The following FOXO3 variants were observed in gnomAD, a reference collection of about 807,000 sequenced individuals.
FOXO3 encodes forkhead box protein O3.
FOXO3 carries 4 observed loss-of-function variants against 41.9 expected under a neutral mutation model. That is an observed-to-expected ratio of 0.10 (90% CI 0.05 to 0.22). The LOEUF (loss-of-function observed/expected upper bound fraction) is 0.22, where lower values mean the gene tolerates loss of function less well. Among genes scored for constraint, FOXO3 ranks in the 10% least tolerant of loss-of-function variants. The pLI, the probability that FOXO3 is intolerant of heterozygous loss-of-function variation, is 1.00. For missense variants in FOXO3, 534 were observed against 906.8 expected, an observed-to-expected ratio of 0.59 and a Z score of 5.28; for synonymous variants, 318 against 389.3, an observed-to-expected ratio of 0.82 and a Z score of 2.16.
chr6:108,593,842 G>A (rs1318471345), intron 1 of FOXO3, among the ~76,000 whole-genome samples: 1 of 146,686 alleles, frequency 6.8e-6, no homozygotes. Flanking sequence ...TCAGCCTCCC[G>A]AGTAGCTGGG....
At chr6:108,676,995 C>G (rs1169364784) in intron 2 of FOXO3, among the ~76,000 whole-genome samples, 1 of 152,202 alleles carries the variant, frequency 6.6e-6, no homozygotes, top group African/African-American at 2.4e-5. Context: ...CAGAGGAAAC[C>G]AAAGGCCTTT....
At chr6:108,651,562 G>A (rs543235999) in intron 1 of FOXO3, among the ~76,000 whole-genome samples, 12 of 152,330 alleles carry the variant, frequency 7.9e-5, no homozygotes, top group Admixed American at 2.0e-4. Flanking sequence ...AGAGCTAGAA[G>A]CAGTTGTGTT....
intron 1 of FOXO3, among the ~76,000 whole-genome samples, chr6:108,638,076 T>G (rs905152549): frequency 2.6e-5 from 4 of 152,250 alleles, no homozygotes; most frequent in African/African-American, 9.6e-5. Flanking sequence ...CTTTTTACCC[T>G]GTTTTTCTCA....
intron 1 of FOXO3, among the ~76,000 whole-genome samples, chr6:108,652,561 C>G (rs1778575634): frequency 6.6e-6 from 1 of 152,228 alleles, no homozygotes; most frequent in Non-Finnish European, 1.5e-5. Flanking sequence ...GTGAGAGCTT[C>G]ACTTTTGAAG....
chr6:108,568,625 T>G (rs1375050534), intron 1 of FOXO3, among the ~76,000 whole-genome samples: 1 of 152,210 alleles, frequency 6.6e-6, no homozygotes, highest in Admixed American at 6.5e-5. Context: ...GATTTTATAA[T>G]CAACCCATAT....
intron 2 of FOXO3, 46 bp from the exon 3 acceptor site, chr6:108,679,781 T>C (rs1196105261): frequency 6.5e-6 from 1 of 154,536 alleles, no homozygotes; most frequent in Non-Finnish European, 1.5e-5. Flanking sequence ...ACTATTGCTG[T>C]TGCAGTGCCC....
chr6:108,562,049 A>G (rs1033318529), intron 1 of FOXO3, among the ~76,000 whole-genome samples: 3 of 150,908 alleles, frequency 2.0e-5, no homozygotes, highest in Non-Finnish European at 4.4e-5. Context: ...AGCTTGGGGC[A>G]TGGCCAGGTG....
At chr6:108,659,406 G>A (rs1778782023) in intron 1 of FOXO3, among the ~76,000 whole-genome samples, 1 of 152,142 alleles carries the variant, frequency 6.6e-6, no homozygotes, top group Admixed American at 6.5e-5. Flanking sequence ...TATATGAAAG[G>A]TTGTAGAAAA....
At chr6:108,619,792 A>G (rs1380376677) in intron 1 of FOXO3, among the ~76,000 whole-genome samples, 1 of 152,206 alleles carries the variant, frequency 6.6e-6, no homozygotes, top group East Asian at 1.9e-4. Flanking sequence ...ACATAAGCAT[A>G]TGTTGTATTG....
intron 1 of FOXO3, among the ~76,000 whole-genome samples, chr6:108,605,445 G>A (rs766678823): frequency 4.6e-5 from 7 of 151,918 alleles, no homozygotes; most frequent in African/African-American, 7.3e-5. Context: ...TTATTTTTGC[G>A]ATTTTGAAAA....
At chr6:108,570,001 T>TTTTA (rs1776053621) in intron 1 of FOXO3, among the ~76,000 whole-genome samples, 1 of 131,264 alleles carries the variant, frequency 7.6e-6, no homozygotes, top group Non-Finnish European at 1.6e-5. Flanking sequence ...TTTTTTTTTT[T>TTTTA]TTTTTTTTTT....
intron 1 of FOXO3, among the ~76,000 whole-genome samples, chr6:108,630,393 C>T (rs1443068976): frequency 3.9e-5 from 6 of 152,072 alleles, no homozygotes; most frequent in Admixed American, 1.3e-4. Context: ...AGAGAGACTG[C>T]GTTAGACTGG....
chr6:108,588,144 T>A (rs779408190), intron 1 of FOXO3, among the ~76,000 whole-genome samples: 3 of 152,252 alleles, frequency 2.0e-5, no homozygotes, highest in Non-Finnish European at 4.4e-5. Context: ...ATGATCTCAT[T>A]TACGAATGTG....
chr6:108,663,049 T>C (rs184904804), intron 1 of FOXO3, among the ~76,000 whole-genome samples: 24 of 152,328 alleles, frequency 1.6e-4, no homozygotes, highest in African/African-American at 5.5e-4. Context: ...GATGGATTTT[T>C]TTTAACCTTT....
intron 1 of FOXO3, among the ~76,000 whole-genome samples, chr6:108,649,748 C>T (rs1389459329): frequency 6.6e-6 from 1 of 152,044 alleles, no homozygotes. Flanking sequence ...CTTCAGAAAA[C>T]TCCTTAGTTT....
At chr6:108,610,676 C>T (rs935655219) in intron 1 of FOXO3, among the ~76,000 whole-genome samples, 2 of 152,198 alleles carry the variant, frequency 1.3e-5, no homozygotes, top group Non-Finnish European at 2.9e-5. Flanking sequence ...CCCCATTTTC[C>T]TATCGCCCAC....
intron 1 of FOXO3, among the ~76,000 whole-genome samples, chr6:108,657,959 C>T (rs1476091253): frequency 2.0e-5 from 3 of 152,206 alleles, no homozygotes; most frequent in Non-Finnish European, 2.9e-5. Flanking sequence ...CCAAACACAG[C>T]ATTCCCAGGA....
chr6:108,603,992 A>G (rs762350115), intron 1 of FOXO3, among the ~76,000 whole-genome samples: 1 of 152,146 alleles, frequency 6.6e-6, no homozygotes, highest in Non-Finnish European at 1.5e-5. Context: ...ATTGCCTAGG[A>G]ATGGTGACTT....
At position 108,680,921 on chromosome 6, in the gene FOXO3, C is replaced by A. The variant is rs546413951; in HGVS notation, c.*1129C>A. On this transcript the variant is annotated 3_prime_UTR_variant, in exon 3 of 3. Transcript: ENST00000406360. ...ATACACATCCTTGATTATTTTCAGCCTTGCTATATAATCTGATCTGCTAGA... is the reference window on the plus strand; with the variant it reads ...ATACACATCCTTGATTATTTTCAGCATTGCTATATAATCTGATCTGCTAGA... 1 of 152,704 alleles carries A rather than the reference C, an allele frequency of 6.5e-6. No individual in the cohort carries two copies. The highest frequency in any genetic ancestry group is 2.4e-5 in the African/African-American group (1 of 41,558). The allele number at this position is 152,704 out of a possible 1,614,324, so 9.5% of individuals were successfully genotyped here. A position where few individuals can be genotyped will look rare whatever the true frequency, so the allele number is the denominator to read the frequency against.
Sources: allele counts gnomAD v4.1 joint callset (sites outside exome capture counted in the v4.1 genomes callset), GRCh38; gene constraint gnomAD v4.1.1; transcripts MANE v1.5; gene names NCBI Gene and HGNC (gene_info 2026-07-23, HGNC 2026-07-21).